NRG3: variants seen among roughly 807,000 people sequenced by gnomAD.
NRG3 encodes pro-neuregulin-3, membrane-bound isoform.
Under a neutral mutation model 66.9 loss-of-function variants are expected in NRG3, and 31 were observed. The observed-to-expected ratio is 0.46, with a 90% CI of 0.35 to 0.63. NRG3 has a LOEUF of 0.63. Among genes scored for constraint, NRG3 ranks in the 20% least tolerant of loss-of-function variants. The pLI, the probability that NRG3 is intolerant of heterozygous loss-of-function variation, is 0.00. For missense variants in NRG3, 910 were observed against 878.9 expected (o/e 1.04, Z -0.45); for synonymous variants, 393 against 359.4 (o/e 1.09, Z -1.06).
At chr10:82,169,063 T>TA (rs1281851708) in intron 1 of NRG3, among the ~76,000 whole-genome samples, 2 of 152,110 alleles carry the variant, frequency 1.3e-5, no homozygotes, top group African/African-American at 4.8e-5. Context: ...CTCAGTACTG[T>TA]ATTCAGCTTA....
At position 82,624,918 on chromosome 10, in the gene NRG3, T is replaced by TTA. The variant is rs569240183; in HGVS notation, c.954-113642_954-113641dup. On this transcript the variant is annotated intron_variant, in intron 2 of 8. Transcript: ENST00000372141. ...ATAAATATAAATATATATATATATTTTATATATATATATATATAAAATGTG... is the reference window on the plus strand; with the variant it reads ...ATAAATATAAATATATATATATATTTTATATATATATATATATATAAAATGTG... Among the ~76,000 whole-genome samples the TTA allele has an allele frequency of 7.4e-3, 1,067 of 144,318 alleles. 7 individuals are homozygous for TTA. Among genetic ancestry groups the TTA allele is most frequent in the African/African-American group, 0.016 (636 of 39,692 alleles). The allele number at this position is 144,318 out of a possible 152,430, so 94.7% of individuals were successfully genotyped here.
intron 3 of NRG3, among the ~76,000 whole-genome samples, chr10:82,776,181 A>T (rs2059906819): frequency 6.6e-6 from 1 of 152,180 alleles, no homozygotes; most frequent in African/African-American, 2.4e-5. Flanking sequence ...ATTTTTGAAG[A>T]ACAGCTTTAT....
chr10:82,032,652 A>AT (rs1402097244), intron 1 of NRG3, among the ~76,000 whole-genome samples: 1 of 152,118 alleles, frequency 6.6e-6, no homozygotes, highest in Non-Finnish European at 1.5e-5. Context: ...TATGAGAACT[A>AT]TATCATTATA....
chr10:82,602,638 C>T (rs2047705181), intron 2 of NRG3, among the ~76,000 whole-genome samples: 1 of 151,986 alleles, frequency 6.6e-6, no homozygotes. Context: ...CTATGTCCAC[C>T]TAATATGTTT....
chr10:82,051,394 G>A (rs996411814), intron 1 of NRG3, among the ~76,000 whole-genome samples: 2 of 152,042 alleles, frequency 1.3e-5, no homozygotes, highest in South Asian at 2.1e-4. Context: ...TCACCTTCAT[G>A]TACTAAGAGT....
intron 2 of NRG3, among the ~76,000 whole-genome samples, chr10:82,678,287 G>C (rs1352670006): frequency 6.6e-6 from 1 of 152,146 alleles, no homozygotes; most frequent in Non-Finnish European, 1.5e-5. Flanking sequence ...GAAAAAGAGA[G>C]TCAGCGAAGG....
intron 7 of NRG3, among the ~76,000 whole-genome samples, chr10:82,975,405 G>A (rs1852156816): frequency 6.6e-6 from 1 of 152,166 alleles, no homozygotes; most frequent in African/African-American, 2.4e-5. Context: ...TGTTTGAGCT[G>A]CAATATTCCT....
At chr10:82,641,738 A>G (rs1590984891) in intron 2 of NRG3, among the ~76,000 whole-genome samples, 1 of 152,310 alleles carries the variant, frequency 6.6e-6, no homozygotes, top group East Asian at 1.9e-4. Context: ...AAGTAAAAAA[A>G]TAACTGTTTA....
At chr10:82,697,271 A>G (rs2055462903) in intron 2 of NRG3, among the ~76,000 whole-genome samples, 1 of 152,210 alleles carries the variant, frequency 6.6e-6, no homozygotes, top group Non-Finnish European at 1.5e-5. Context: ...AGTAGGAAAA[A>G]GTGTTAGGGA....
chr10:82,857,913 G>C lies in NRG3; in HGVS notation c.1028-7498G>C, dbSNP rs112644004. 1.9e-3 allele frequency among the ~76,000 whole-genome samples: 288 copies of C among 152,264 alleles called. 2 individuals carry two copies. Among genetic ancestry groups the C allele is most frequent in the Non-Finnish European group, 3.1e-3 (211 of 68,024 alleles). On this transcript the variant is annotated intron_variant, in intron 3 of 8. Transcript: ENST00000372141. ...TAAAATGCTTGAAAAAGGATGAAGTGATAATATCCCTTTCTTTTTAGGACA... is the reference window on the plus strand; with the variant it reads ...TAAAATGCTTGAAAAAGGATGAAGTCATAATATCCCTTTCTTTTTAGGACA...
At chr10:82,669,088 T>C (rs1591095530) in intron 2 of NRG3, among the ~76,000 whole-genome samples, 1 of 152,220 alleles carries the variant, frequency 6.6e-6, no homozygotes. Context: ...ATATTAGATA[T>C]TGGTGCAAGT....
chr10:81,920,715 G>A (rs1231431852), intron 1 of NRG3, among the ~76,000 whole-genome samples: 4 of 152,056 alleles, frequency 2.6e-5, no homozygotes, highest in East Asian at 3.9e-4. Flanking sequence ...AGTAGTACAC[G>A]TCAGTAAGTA....
intron 2 of NRG3, among the ~76,000 whole-genome samples, chr10:82,563,259 C>T (rs1364377668): frequency 4.0e-5 from 6 of 151,790 alleles, no homozygotes; most frequent in East Asian, 1.9e-4. Context: ...TTTTCACATA[C>T]GTAAAAGAGA....
At chr10:82,410,167 T>G (rs1199751262) in intron 2 of NRG3, among the ~76,000 whole-genome samples, 2 of 152,142 alleles carry the variant, frequency 1.3e-5, no homozygotes, top group Non-Finnish European at 2.9e-5. Flanking sequence ...AGATGATGAC[T>G]GCTACAGATT....
At chr10:82,329,927 C>A (rs571018044) in intron 1 of NRG3, among the ~76,000 whole-genome samples, 1 of 152,286 alleles carries the variant, frequency 6.6e-6, no homozygotes, top group African/African-American at 2.4e-5. Context: ...TGGCTACCAC[C>A]CAAGGGTTTC....
chr10:81,955,721 A>G (rs1282166691), intron 1 of NRG3, among the ~76,000 whole-genome samples: 1 of 152,142 alleles, frequency 6.6e-6, no homozygotes, highest in Non-Finnish European at 1.5e-5. Context: ...GCCCTGATTT[A>G]TCCTTTTTTT....
intron 2 of NRG3, among the ~76,000 whole-genome samples, chr10:82,474,977 C>T (rs10884745): frequency 0.057 from 8,441 of 147,928 alleles, 513 homozygotes; most frequent in East Asian, 0.17. Flanking sequence ...TTTAATGTGC[C>T]GAAAGAAAAA....
intron 2 of NRG3, among the ~76,000 whole-genome samples, chr10:82,540,730 T>A (rs940222564): frequency 7.2e-5 from 11 of 152,134 alleles, no homozygotes; most frequent in African/African-American, 2.7e-4. Flanking sequence ...TTTCTCACTA[T>A]TGGAGAAAAG....
intron 1 of NRG3, among the ~76,000 whole-genome samples, chr10:82,147,142 C>T (rs576488598): frequency 6.6e-6 from 1 of 152,228 alleles, no homozygotes; most frequent in South Asian, 2.1e-4. Flanking sequence ...TAAGCAGATA[C>T]CAAGAGTCAC....
Sources: gnomAD v4.1 joint callset for allele counts (sites outside exome capture counted in the v4.1 genomes callset) on GRCh38, gnomAD v4.1.1 for gene constraint, MANE v1.5 for transcripts, NCBI Gene and HGNC (gene_info 2026-07-23, HGNC 2026-07-21) for gene names.